Variants in ESRRG observed in about 807,000 individuals in gnomAD.
ESRRG encodes the protein estrogen related receptor gamma.
A neutral mutation model predicts 44.0 loss-of-function variants in ESRRG; 13 were observed. The ratio of observed to expected loss-of-function variants is 0.30; its 90% CI spans 0.19 to 0.47. The LOEUF is 0.47. Ranked by LOEUF, ESRRG falls within the 20% of genes least tolerant of loss-of-function variation. The probability of loss-of-function intolerance (pLI) is 1.00; values close to 1 mark genes in which losing one functional copy is unlikely to be tolerated. For synonymous variants in ESRRG, 215 were observed against 214.6 expected (o/e 1.00, Z -0.02); for missense variants, 395 against 580.6 (o/e 0.68, Z 3.29).
At chr1:216,876,479 T>C (rs765145078) in intron 2 of ESRRG, among the ~76,000 whole-genome samples, 8 of 152,146 alleles carry the variant, frequency 5.3e-5, no homozygotes, top group African/African-American at 1.2e-4. Context: ...TAATTCCCAT[T>C]TGTCTTAAAG....
intron 5 of ESRRG, among the ~76,000 whole-genome samples, chr1:216,525,121 C>T (rs984810168): frequency 6.6e-6 from 1 of 152,090 alleles, no homozygotes; most frequent in African/African-American, 2.4e-5. Flanking sequence ...ATTTAAAATA[C>T]AATAGCAGCT....
intron 1 of ESRRG, among the ~76,000 whole-genome samples, chr1:216,953,643 A>C (rs952413053): frequency 6.6e-6 from 1 of 151,870 alleles, no homozygotes; most frequent in Non-Finnish European, 1.5e-5. Context: ...TAATTACTTC[A>C]CATGTACTTC....
chr1:216,530,316 A>G, intron 5 of ESRRG, among the ~76,000 whole-genome samples: 1 of 141,234 alleles, frequency 7.1e-6, no homozygotes, highest in East Asian at 2.0e-4. Context: ...CTATCTATCT[A>G]TCTATCTATC....
chr1:216,702,914 A>G (rs1377214724), intron 1 of ESRRG, among the ~76,000 whole-genome samples: 2 of 152,186 alleles, frequency 1.3e-5, no homozygotes, highest in African/African-American at 4.8e-5. Context: ...CCCTAACAGC[A>G]GAATAAAAAA....
intron 3 of ESRRG, among the ~76,000 whole-genome samples, chr1:216,643,135 C>G (rs1331016765): frequency 2.0e-5 from 3 of 152,144 alleles, no homozygotes; most frequent in Non-Finnish European, 4.4e-5. Flanking sequence ...AGCAAAACAG[C>G]TCTGGGATAA....
At chr1:216,836,233 A>G (rs10492953) in intron 2 of ESRRG, among the ~76,000 whole-genome samples, 34,853 of 152,042 alleles carry the variant, frequency 0.23, 4,240 homozygotes, top group African/African-American at 0.3. Context: ...TGACATATTC[A>G]CAGCACAATT....
chr1:216,581,980 T>G (rs373586420), intron 3 of ESRRG, among the ~76,000 whole-genome samples: 4 of 152,228 alleles, frequency 2.6e-5, no homozygotes, highest in African/African-American at 9.6e-5. Flanking sequence ...GAAGTCAAGT[T>G]TGACAATTGG....
intron 1 of ESRRG, among the ~76,000 whole-genome samples, chr1:217,052,361 T>C (rs866789349): frequency 3.0e-4 from 45 of 152,320 alleles, no homozygotes; most frequent in South Asian, 1.0e-3. Context: ...AAAGGCACTT[T>C]GGGCAAGCCT....
chr1:216,779,262 A>AATATAT (rs2093765670), intron 2 of ESRRG, among the ~76,000 whole-genome samples: 1 of 45,284 alleles, frequency 2.2e-5, no homozygotes, highest in Non-Finnish European at 3.7e-5. Context: ...TATAAATATA[A>AATATAT]ATATATATTT....
At chr1:216,963,335 C>G (rs538106578) in intron 1 of ESRRG, among the ~76,000 whole-genome samples, 1 of 152,240 alleles carries the variant, frequency 6.6e-6, no homozygotes, top group East Asian at 1.9e-4. Flanking sequence ...CACTGCTTGA[C>G]AGAATGAAAA....
chr1:216,631,996 G>A (rs1013186890), intron 3 of ESRRG, among the ~76,000 whole-genome samples: 1 of 152,014 alleles, frequency 6.6e-6, no homozygotes, highest in African/African-American at 2.4e-5. Flanking sequence ...CATACAGGAG[G>A]TCCCGAAGGC....
At chr1:216,709,622 A>T (rs1296327659) in intron 1 of ESRRG, among the ~76,000 whole-genome samples, 1 of 152,020 alleles carries the variant, frequency 6.6e-6, no homozygotes, top group Non-Finnish European at 1.5e-5. Flanking sequence ...CCATTTTCTG[A>T]ATTCATACAG....
intron 5 of ESRRG, among the ~76,000 whole-genome samples, chr1:216,535,166 T>A (rs2050572285): frequency 6.6e-6 from 1 of 152,094 alleles, no homozygotes; most frequent in Non-Finnish European, 1.5e-5. Flanking sequence ...TCACTGAAAG[T>A]ATGGATTAAG....
chr1:217,135,827 G>C (rs1311393851), intron 1 of ESRRG, among the ~76,000 whole-genome samples: 1 of 152,152 alleles, frequency 6.6e-6, no homozygotes, highest in Non-Finnish European at 1.5e-5. Flanking sequence ...GCGGGGATTC[G>C]GGCTGCCGCG....
At chr1:216,843,224 A>G (rs889138401) in intron 2 of ESRRG, among the ~76,000 whole-genome samples, 1 of 151,822 alleles carries the variant, frequency 6.6e-6, no homozygotes, top group Non-Finnish European at 1.5e-5. Flanking sequence ...TTTTTTTTTA[A>G]TATTTTATAT....
At chr1:216,842,100 A>G (rs1221965691) in intron 2 of ESRRG, among the ~76,000 whole-genome samples, 1 of 152,218 alleles carries the variant, frequency 6.6e-6, no homozygotes, top group Non-Finnish European at 1.5e-5. Flanking sequence ...TATTCATAGT[A>G]GCAAGAAAGA....
intron 1 of ESRRG, among the ~76,000 whole-genome samples, chr1:216,957,145 T>G (rs1451370261): frequency 6.6e-6 from 1 of 152,196 alleles, no homozygotes; most frequent in Non-Finnish European, 1.5e-5. Context: ...TCCTCCTCAC[T>G]GGTTGCTTCT....
At chr1:216,763,399 T>G (rs1385889248) in intron 2 of ESRRG, among the ~76,000 whole-genome samples, 1 of 152,156 alleles carries the variant, frequency 6.6e-6, no homozygotes, top group Non-Finnish European at 1.5e-5. Context: ...ATACTGATTT[T>G]GAACCCTTTG....
At chr1:216,959,774 C>G (rs2068673894) in intron 1 of ESRRG, 1 of 151,996 alleles carries the variant, frequency 6.6e-6, no homozygotes, top group Non-Finnish European at 1.5e-5. Context: ...CTTCATAGAA[C>G]AAAGTGAAAA....
Sources: gnomAD v4.1 joint callset for allele counts (sites outside exome capture counted in the v4.1 genomes callset) on GRCh38, gnomAD v4.1.1 for gene constraint, MANE v1.5 for transcripts, NCBI Gene and HGNC (gene_info 2026-07-23, HGNC 2026-07-21) for gene names.